IMMP2L: variants seen among roughly 807,000 people sequenced by gnomAD.
IMMP2L encodes inner mitochondrial membrane peptidase subunit 2, also known as mitochondrial inner membrane protease subunit 2.
Under a neutral mutation model 19.3 loss-of-function variants are expected in IMMP2L, and 18 were observed. The ratio of observed to expected loss-of-function variants is 0.93; its 90% CI spans 0.64 to 1.38. IMMP2L has a LOEUF of 1.38. Among genes scored for constraint, IMMP2L ranks in the 40% most tolerant of loss-of-function variants. IMMP2L has a pLI of 0.00. For missense variants in IMMP2L, 233 were observed against 218.2 expected (o/e 1.07, Z -0.43); for synonymous variants, 76 against 73.0 (o/e 1.04, Z -0.21).
At chr7:111,154,323 T>C (rs1473201291) in intron 3 of IMMP2L, among the ~76,000 whole-genome samples, 2 of 152,114 alleles carry the variant, frequency 1.3e-5, no homozygotes, top group Admixed American at 1.3e-4. Flanking sequence ...GCTAGAAACA[T>C]AATAAGGGTA....
intron 5 of IMMP2L, among the ~76,000 whole-genome samples, chr7:110,790,917 G>C (rs1390661691): frequency 1.3e-5 from 2 of 151,398 alleles, no homozygotes; most frequent in African/African-American, 4.9e-5. Context: ...ACCTATGTGT[G>C]CCACTGTCTT....
At chr7:111,105,271 T>C (rs1210795901) in intron 3 of IMMP2L, among the ~76,000 whole-genome samples, 1 of 151,914 alleles carries the variant, frequency 6.6e-6, no homozygotes, top group Non-Finnish European at 1.5e-5. Flanking sequence ...TAACCTTCAT[T>C]TTGCAACAAC....
intron 3 of IMMP2L, among the ~76,000 whole-genome samples, chr7:111,327,019 A>C (rs1825388910): frequency 6.6e-6 from 1 of 151,734 alleles, no homozygotes; most frequent in Non-Finnish European, 1.5e-5. Flanking sequence ...CATACTCTAG[A>C]ATATTATTCA....
chr7:110,896,956 G>T (rs1811389819), intron 4 of IMMP2L, among the ~76,000 whole-genome samples: 1 of 152,132 alleles, frequency 6.6e-6, no homozygotes, highest in East Asian at 1.9e-4. Context: ...AGGACTGCAG[G>T]CATGTGCCAC....
chr7:111,530,889 G>A lies in IMMP2L; in HGVS notation c.-2-9440C>T, dbSNP rs1421785608. Among the ~76,000 whole-genome samples, 21 of 151,852 alleles carry A rather than the reference G, an allele frequency of 1.4e-4. No individual in the cohort carries two copies. The East Asian group carries it at 3.1e-3, about 22-fold the overall frequency. On this transcript the variant is annotated intron_variant, in intron 1 of 5. Coordinates refer to ENST00000405709, the MANE Select transcript of IMMP2L (RefSeq NM_032549.4). Reference sequence around the variant, plus strand: ...AGATGCATACAGCCCATCTGAGATAGCAAGAATGCTGGCCAGATCAGCGAA... The same window carrying A: ...AGATGCATACAGCCCATCTGAGATAACAAGAATGCTGGCCAGATCAGCGAA...
At chr7:110,950,487 G>T (rs1817678341) in intron 4 of IMMP2L, among the ~76,000 whole-genome samples, 1 of 151,846 alleles carries the variant, frequency 6.6e-6, no homozygotes, top group African/African-American at 2.4e-5. Context: ...AATGCAAAGT[G>T]GTTCAGCTTC....
intron 3 of IMMP2L, among the ~76,000 whole-genome samples, chr7:111,393,105 G>A (rs1395357242): frequency 1.3e-5 from 2 of 151,884 alleles, no homozygotes; most frequent in African/African-American, 4.8e-5. Context: ...GTCCCAAGCT[G>A]CTAATCAAGG....
rs191258857 is a variant in IMMP2L at position 110,810,557 on chromosome 7, C to G, written c.408+76036G>C. Among the ~76,000 whole-genome samples, 5 of 152,088 alleles carry G rather than the reference C, an allele frequency of 3.3e-5. No homozygotes were observed. The East Asian group carries it at 9.7e-4, about 30-fold the overall frequency. ...TCTGGTTATGGTAAGAACCTTAACC[C>G]ATTTATTCCTGAGGTTGCAATTTTT... On this transcript the variant is annotated intron_variant, in intron 5 of 5. Transcript: ENST00000405709.
chr7:111,173,602 C>CA (rs1432381155), intron 3 of IMMP2L, among the ~76,000 whole-genome samples: 1 of 151,646 alleles, frequency 6.6e-6, no homozygotes, highest in Non-Finnish European at 1.5e-5. Flanking sequence ...GTTTGGTAAA[C>CA]AGTTAACTAT....
intron 3 of IMMP2L, among the ~76,000 whole-genome samples, chr7:111,478,465 C>T (rs1024461864): frequency 4.6e-5 from 7 of 151,984 alleles, no homozygotes; most frequent in Admixed American, 1.3e-4. Flanking sequence ...GACCATAGCT[C>T]ACTGCAGCCA....
At chr7:110,854,042 G>A (rs6944312) in intron 5 of IMMP2L, among the ~76,000 whole-genome samples, 91,586 of 151,600 alleles carry the variant, frequency 0.6, 29,347 homozygotes, top group East Asian at 0.85. Context: ...CAAAGTGAAA[G>A]CAAAAGAGCC....
chr7:111,268,766 A>C (rs961928924), intron 3 of IMMP2L, among the ~76,000 whole-genome samples: 1 of 150,482 alleles, frequency 6.6e-6, no homozygotes, highest in Admixed American at 6.6e-5. Flanking sequence ...GCTAATTTTA[A>C]TTTTTCTATT....
chr7:111,181,505 A>T lies in IMMP2L; in HGVS notation c.240-217940T>A, dbSNP rs76140858. ...AAATGGGTAAATCCTGTATTTGAGCACCCAGCTTGATGGAGAAGCTCTGGC... is the reference window on the plus strand; with the variant it reads ...AAATGGGTAAATCCTGTATTTGAGCTCCCAGCTTGATGGAGAAGCTCTGGC... On this transcript the variant is annotated intron_variant, in intron 3 of 5. Transcript: ENST00000405709. 1.3e-3 allele frequency among the ~76,000 whole-genome samples: 198 copies of T among 152,128 alleles called. 4 individuals carry two copies. In the East Asian group the frequency reaches 0.032, roughly 24 times the overall value.
At chr7:111,408,457 G>A (rs368663590) in intron 3 of IMMP2L, among the ~76,000 whole-genome samples, 43 of 151,680 alleles carry the variant, frequency 2.8e-4, no homozygotes, top group Admixed American at 2.5e-3. Context: ...CAACAGTCAC[G>A]CATAAACACA....
intron 3 of IMMP2L, among the ~76,000 whole-genome samples, chr7:111,413,907 T>C (rs897981965): frequency 6.6e-6 from 1 of 151,782 alleles, no homozygotes; most frequent in South Asian, 2.1e-4. Flanking sequence ...GTTTTTCTTA[T>C]GGCAATCAGC....
At chr7:111,304,506 T>C (rs1210204677) in intron 3 of IMMP2L, among the ~76,000 whole-genome samples, 1 of 151,970 alleles carries the variant, frequency 6.6e-6, no homozygotes, top group Non-Finnish European at 1.5e-5. Context: ...TGTGTATATA[T>C]ATAAAATGTG....
At chr7:110,872,248 C>T (rs1355478535) in intron 5 of IMMP2L, among the ~76,000 whole-genome samples, 1 of 152,156 alleles carries the variant, frequency 6.6e-6, no homozygotes, top group Non-Finnish European at 1.5e-5. Context: ...AACACTTCCA[C>T]CTCCATGCTT....
intron 3 of IMMP2L, among the ~76,000 whole-genome samples, chr7:111,303,829 T>C (rs1367929443): frequency 3.3e-5 from 5 of 152,032 alleles, no homozygotes; most frequent in Non-Finnish European, 1.5e-5. Context: ...GACCTCATCA[T>C]TTAATGTGCA....
intron 3 of IMMP2L, among the ~76,000 whole-genome samples, chr7:111,340,655 T>C (rs1826918659): frequency 6.6e-6 from 1 of 152,078 alleles, no homozygotes; most frequent in Non-Finnish European, 1.5e-5. Flanking sequence ...GTTCAAGCAT[T>C]TGTAATAGCC....
Sources: allele counts gnomAD v4.1 joint callset (sites outside exome capture counted in the v4.1 genomes callset), GRCh38; gene constraint gnomAD v4.1.1; transcripts MANE v1.5; gene names NCBI Gene and HGNC (gene_info 2026-07-23, HGNC 2026-07-21).